Variants in PTPRG observed in about 807,000 individuals in gnomAD.
PTPRG encodes receptor-type tyrosine-protein phosphatase gamma.
Under a neutral mutation model 165.3 loss-of-function variants are expected in PTPRG, and 102 were observed. That is an observed-to-expected ratio of 0.62 (90% confidence interval 0.53 to 0.73). PTPRG has a LOEUF of 0.73. Among genes scored for constraint, PTPRG ranks in the 30% least tolerant of loss-of-function variants. PTPRG has a pLI of 0.00. For synonymous variants in PTPRG, 675 were observed against 669.5 expected (o/e 1.01, Z -0.13); for missense variants, 1,866 against 1,861.4 (o/e 1.00, Z -0.05).
At chr3:61,954,271 A>G (rs2039984487) in intron 2 of PTPRG, among the ~76,000 whole-genome samples, 1 of 152,150 alleles carries the variant, frequency 6.6e-6, no homozygotes, top group Non-Finnish European at 1.5e-5. Flanking sequence ...TTCATTTTTT[A>G]ATAACCCTTG....
intron 2 of PTPRG, among the ~76,000 whole-genome samples, chr3:61,780,828 G>A (rs1019313419): frequency 2.0e-5 from 3 of 152,198 alleles, no homozygotes; most frequent in Non-Finnish European, 4.4e-5. Context: ...AAGATAAAAT[G>A]TCCATGAAAT....
At chr3:62,063,943 G>C (rs1456904835) in intron 4 of PTPRG, among the ~76,000 whole-genome samples, 1 of 152,190 alleles carries the variant, frequency 6.6e-6, no homozygotes, top group African/African-American at 2.4e-5. Context: ...CACCCTGCGT[G>C]ATGTGGAGCT....
At chr3:62,194,576 G>C (rs1332157374) in intron 9 of PTPRG, among the ~76,000 whole-genome samples, 1 of 152,178 alleles carries the variant, frequency 6.6e-6, no homozygotes, top group East Asian at 1.9e-4. Flanking sequence ...CCAGCATTTT[G>C]AGAGGCTGAG....
At chr3:61,976,012 A>T (rs954973) in intron 2 of PTPRG, among the ~76,000 whole-genome samples, 1 of 152,120 alleles carries the variant, frequency 6.6e-6, no homozygotes, top group African/African-American at 2.4e-5. Flanking sequence ...ACCCTTGAAG[A>T]ACCGTGTTCT....
intron 2 of PTPRG, among the ~76,000 whole-genome samples, chr3:61,789,900 G>T (rs2034819218): frequency 6.6e-6 from 1 of 152,220 alleles, no homozygotes; most frequent in Admixed American, 6.5e-5. Context: ...TAAATTTTGT[G>T]CATGGAGTGA....
At chr3:61,844,746 T>A (rs189617960) in intron 2 of PTPRG, among the ~76,000 whole-genome samples, 2 of 151,792 alleles carry the variant, frequency 1.3e-5, no homozygotes, top group East Asian at 3.9e-4. Context: ...CAAGCAGTCC[T>A]ACCGCCTTGG....
chr3:61,756,470 G>A (rs2033638022), intron 2 of PTPRG, among the ~76,000 whole-genome samples: 1 of 152,180 alleles, frequency 6.6e-6, no homozygotes, highest in South Asian at 2.1e-4. Context: ...TATGCTTAAG[G>A]TACCTGGAGA....
chr3:61,730,827 G>A (rs1427266650), intron 1 of PTPRG, among the ~76,000 whole-genome samples: 1 of 152,182 alleles, frequency 6.6e-6, no homozygotes, highest in Non-Finnish European at 1.5e-5. Context: ...TAAACTTTAG[G>A]GAAAGGGGTT....
At chr3:61,870,131 T>C (rs2037524911) in intron 2 of PTPRG, among the ~76,000 whole-genome samples, 1 of 151,554 alleles carries the variant, frequency 6.6e-6, no homozygotes, top group African/African-American at 2.4e-5. Context: ...ACATTTAGTC[T>C]ATAGTGGTAT....
intron 2 of PTPRG, among the ~76,000 whole-genome samples, chr3:61,773,214 G>A (rs907692013): frequency 6.6e-6 from 1 of 152,006 alleles, no homozygotes; most frequent in East Asian, 1.9e-4. Flanking sequence ...GCAGTCAGGT[G>A]GAAATTGTTC....
intron 2 of PTPRG, among the ~76,000 whole-genome samples, chr3:61,834,189 AT>A (rs2107305086): frequency 6.6e-6 from 1 of 152,278 alleles, no homozygotes; most frequent in South Asian, 2.1e-4. Context: ...CTCCTGAGTC[AT>A]TTCTTCACAA....
intron 5 of PTPRG, among the ~76,000 whole-genome samples, chr3:62,117,664 C>T (rs1251886097): frequency 1.3e-5 from 2 of 152,124 alleles, no homozygotes; most frequent in Admixed American, 6.6e-5. Context: ...TGCAGTATAT[C>T]TTCAAACAAA....
At chr3:61,949,482 G>T (rs1484661892) in intron 2 of PTPRG, among the ~76,000 whole-genome samples, 1 of 152,134 alleles carries the variant, frequency 6.6e-6, no homozygotes, top group African/African-American at 2.4e-5. Context: ...GTGAGGCTTT[G>T]GGTAGCGTTT....
chr3:61,957,547 T>A (rs2040061444), intron 2 of PTPRG, among the ~76,000 whole-genome samples: 1 of 152,252 alleles, frequency 6.6e-6, no homozygotes, highest in African/African-American at 2.4e-5. Context: ...AGTCTTCTGC[T>A]GTTGTAATTG....
At chr3:61,875,351 C>G (rs1407153582) in intron 2 of PTPRG, among the ~76,000 whole-genome samples, 1 of 151,652 alleles carries the variant, frequency 6.6e-6, no homozygotes, top group Non-Finnish European at 1.5e-5. Flanking sequence ...GTTCTAAGTA[C>G]TTGATTCCAT....
chr3:62,233,423 C>A lies in PTPRG; in HGVS notation c.2375+2112C>A, dbSNP rs1015963090. ...GACCCATGTCCATCCTGCTGCTGTT[C>A]TATAAAAGGGCTTTGAAAGACAGGG... On this transcript the variant is annotated intron_variant, in intron 14 of 29. Transcript: ENST00000474889. The surrounding 1 kb of genome is among the most constrained non-coding windows in gnomAD (Gnocchi z 4.7). Among the ~76,000 whole-genome samples the A allele has an allele frequency of 6.6e-6, 1 of 152,256 alleles. No individual in the cohort carries two copies. The highest frequency in any genetic ancestry group is 1.9e-4 in the East Asian group (1 of 5,166).
intron 1 of PTPRG, among the ~76,000 whole-genome samples, chr3:61,689,617 G>C (rs1455326979): frequency 6.6e-6 from 1 of 152,218 alleles, no homozygotes; most frequent in Non-Finnish European, 1.5e-5. Flanking sequence ...CACTGAAGCT[G>C]AAGTGGCAAG....
At chr3:62,120,203 G>T (rs1250841850) in intron 5 of PTPRG, among the ~76,000 whole-genome samples, 1 of 152,146 alleles carries the variant, frequency 6.6e-6, no homozygotes, top group Non-Finnish European at 1.5e-5. Context: ...AGCAGAGAAA[G>T]CAGGCAAACC....
At chr3:61,653,040 C>T (rs1220797204) in intron 1 of PTPRG, among the ~76,000 whole-genome samples, 2 of 152,094 alleles carry the variant, frequency 1.3e-5, no homozygotes, top group Non-Finnish European at 2.9e-5. Flanking sequence ...CATTGCAGAA[C>T]ATTTTATAAG....
Sources: allele counts gnomAD v4.1 joint callset (sites outside exome capture counted in the v4.1 genomes callset), GRCh38; gene constraint gnomAD v4.1.1; non-coding constraint Gnocchi (gnomAD v3.1); transcripts MANE v1.5; gene names NCBI Gene and HGNC (gene_info 2026-07-23, HGNC 2026-07-21).